Variants in PLEKHA8 observed in about 807,000 individuals in gnomAD.
PLEKHA8 encodes pleckstrin homology domain containing A8, also known as pleckstrin homology domain-containing family A member 8.
In PLEKHA8, 36 loss-of-function variants were observed where a neutral mutation model predicts 68.2. The observed-to-expected ratio is 0.53, with a 90% CI of 0.40 to 0.70. The LOEUF (loss-of-function observed/expected upper bound fraction) is 0.70. PLEKHA8 is among the 30% of genes least tolerant of loss of function. The pLI, the probability that PLEKHA8 is intolerant of heterozygous loss-of-function variation, is 0.00. For missense variants in PLEKHA8, 505 were observed against 615.4 expected (o/e 0.82, Z 1.90); for synonymous variants, 211 against 216.1 (o/e 0.98, Z 0.20).
intron 12 of PLEKHA8, among the ~76,000 whole-genome samples, chr7:30,065,736 C>A (rs1016735884): frequency 6.6e-6 from 1 of 152,158 alleles, no homozygotes; most frequent in African/African-American, 2.4e-5. Context: ...CCCAGTGTAA[C>A]TACTACACTA....
chr7:30,041,117 C>A (rs17326013), intron 1 of PLEKHA8, among the ~76,000 whole-genome samples: 21,232 of 152,234 alleles, frequency 0.14, 1,501 homozygotes, highest in Middle Eastern at 0.19. Flanking sequence ...TTTCCCAGCA[C>A]TGGACATTAT....
At chr7:30,069,517 C>T (rs1330799453) in intron 12 of PLEKHA8, 2 of 152,228 alleles carry the variant, frequency 1.3e-5, no homozygotes, top group East Asian at 1.9e-4. Flanking sequence ...GTTGTTCTCT[C>T]AGTTACTATA....
intron 12 of PLEKHA8, among the ~76,000 whole-genome samples, chr7:30,071,326 A>G (rs1794222586): frequency 6.6e-6 from 1 of 152,146 alleles, no homozygotes; most frequent in African/African-American, 2.4e-5. Context: ...AATTTTGCTC[A>G]CCATCGCCCA....
chr7:30,069,500 T>C lies in PLEKHA8; in HGVS notation c.1301-4571T>C, dbSNP rs893424798. Among the ~76,000 whole-genome samples the C allele has an allele frequency of 3.3e-5, 5 of 152,332 alleles. No individual in the cohort carries two copies. The South Asian group carries it at 6.2e-4, about 19-fold the overall frequency. On this transcript the variant is annotated intron_variant, in intron 12 of 13. Transcript: ENST00000449726. ...CAGAATGGTTGTTCACCAACAGTAA[T>C]GGAAGGGTTGTTCTCTCAGTTACTA...
At chr7:30,075,890 TTTTAAC>T (rs1794582817) in intron 13 of PLEKHA8, among the ~76,000 whole-genome samples, 1 of 150,878 alleles carries the variant, frequency 6.6e-6, no homozygotes, top group African/African-American at 2.5e-5. Flanking sequence ...TAGGAGGACT[TTTTAAC>T]TTTATTATAC....
rs751421537 is a variant in PLEKHA8 at position 30,045,141 on chromosome 7, C to G, written c.97C>G (p.Pro33Ala). The change falls in exon 2 of 14, where the codon CCT becomes GCT. Residue 33 changes from proline to alanine, a missense_variant. Coordinates refer to ENST00000449726, the MANE Select transcript of PLEKHA8 (RefSeq NM_001197026.2). ...GGGAATATTGTCCTATTATGATTCTCCTGAAGATGCCTGGAAAGGTTGCAA... is the reference window on the plus strand; with the variant it reads ...GGGAATATTGTCCTATTATGATTCTGCTGAAGATGCCTGGAAAGGTTGCAA... ...CGGILSYYDS[P>A]EDAWKGCKGS... 1.2e-6 allele frequency: 2 copies of G among 1,611,848 alleles called. No individual in the cohort carries two copies. The highest frequency in any genetic ancestry group is 1.3e-5 in the African/African-American group (1 of 74,718).
chr7:30,056,423 G>C (rs1382744695), intron 9 of PLEKHA8, among the ~76,000 whole-genome samples: 1 of 138,748 alleles, frequency 7.2e-6, no homozygotes, highest in African/African-American at 2.7e-5. Flanking sequence ...ACATATATAT[G>C]TAAATAAATA....
chr7:30,117,655 G>A (rs556798363), intron 13 of PLEKHA8, among the ~76,000 whole-genome samples: 1 of 152,262 alleles, frequency 6.6e-6, no homozygotes, highest in South Asian at 2.1e-4. Context: ...AGTGAGCCAT[G>A]ATCATGCCAC....
At position 30,117,950 on chromosome 7, in the gene PLEKHA8, C is replaced by T. The variant is rs113633182; in HGVS notation, c.1363-11316C>T. 1,895 of 1,500,312 alleles carry T rather than the reference C, an allele frequency of 1.3e-3. 1 individual carries two copies. Among genetic ancestry groups the T allele is most frequent in the Non-Finnish European group, 1.5e-3 (1,733 of 1,120,324 alleles). 92.9% of individuals were successfully genotyped at this position (1,500,312 alleles called of 1,614,324 possible). On this transcript the variant is annotated intron_variant, in intron 13 of 13. Coordinates refer to the PLEKHA8 transcript ENST00000396257. Reference sequence around the variant, plus strand: ...TTTTTAAAAAATTTAAAAACTGAGACGTGGATTCATTTCTAACAGGGACAC... The same window carrying T: ...TTTTTAAAAAATTTAAAAACTGAGATGTGGATTCATTTCTAACAGGGACAC...
chr7:30,037,277 A>T (rs1583773066), intron 1 of PLEKHA8, among the ~76,000 whole-genome samples: 1 of 152,316 alleles, frequency 6.6e-6, no homozygotes, highest in East Asian at 1.9e-4. Context: ...TGTCAGTCCT[A>T]TCAAGACATT....
At chr7:30,061,749 A>G (rs1288959973) in intron 10 of PLEKHA8, 148 bp from the exon 11 acceptor site, 11 of 780,600 alleles carry the variant, frequency 1.4e-5, no homozygotes, top group South Asian at 2.1e-5. Flanking sequence ...AACAAATACT[A>G]TCATGAAAAC....
chr7:30,123,634 C>T (rs1212923299), intron 13 of PLEKHA8, among the ~76,000 whole-genome samples: 1 of 151,962 alleles, frequency 6.6e-6, no homozygotes, highest in African/African-American at 2.4e-5. Context: ...GTGGATCTCT[C>T]GTTTTTGAGC....
chr7:30,096,839 T>C (rs1248373217), intron 13 of PLEKHA8, among the ~76,000 whole-genome samples: 3 of 152,204 alleles, frequency 2.0e-5, no homozygotes, highest in African/African-American at 4.8e-5. Context: ...AAGGTCAATA[T>C]TGTTATGTGT....
Position 30,059,950 on chromosome 7 carries a change from G to A in PLEKHA8, c.1040-934G>A, listed in dbSNP as rs545108482. 4.6e-5 allele frequency among the ~76,000 whole-genome samples: 7 copies of A among 152,282 alleles called. 1 individual carries two copies. The highest frequency in any genetic ancestry group is 3.9e-4 in the East Asian group (2 of 5,184). On this transcript the variant is annotated intron_variant, in intron 9 of 13. Coordinates refer to ENST00000449726, the MANE Select transcript of PLEKHA8 (RefSeq NM_001197026.2). ...TGTAATCCCAGCACTTTGGGAGGCC[G>A]AGGCAAGTGGGTCACAAAGTCAGGA...
chr7:30,052,579 G>T (rs1319801726), intron 6 of PLEKHA8, 130 bp from the exon 7 acceptor site: 7 of 706,226 alleles, frequency 9.9e-6, no homozygotes, highest in Middle Eastern at 4.3e-4. Flanking sequence ...CCAGAAGATT[G>T]CAGTGAGCTG....
In PLEKHA8 at chr7:30,115,844, ACG is replaced by A. The variant is rs1796469828; in HGVS notation, c.1363-13421_1363-13420del. 9.3e-5 allele frequency: 14 copies of A among 149,946 alleles called. 1 individual carries two copies. In the South Asian group the frequency reaches 2.5e-3, roughly 27 times the overall value. 9.3% of individuals were successfully genotyped at this position (149,946 alleles called of 1,614,324 possible). A position where few individuals can be genotyped will look rare whatever the true frequency, so the allele number is the denominator to read the frequency against. ...TACATGCGTGCACATACATGTATACACGTATGCATACATACGTGCACATACAT... is the reference window on the plus strand; with the variant it reads ...TACATGCGTGCACATACATGTATACATATGCATACATACGTGCACATACAT... On this transcript the variant is annotated intron_variant, in intron 13 of 13. Transcript: ENST00000396257.
chr7:30,104,703 G>A (rs1795993572), intron 13 of PLEKHA8, among the ~76,000 whole-genome samples: 1 of 148,408 alleles, frequency 6.7e-6, no homozygotes, highest in Admixed American at 6.8e-5. Context: ...AGTGGTAAAG[G>A]TCACAACAGC....
chr7:30,118,082 G>A, intron 13 of PLEKHA8: 1 of 1,415,490 alleles, frequency 7.1e-7, no homozygotes, highest in South Asian at 1.4e-5. Context: ...CATCACATCT[G>A]GGTGACGCCT....
chr7:30,066,545 C>A (rs974481204), intron 12 of PLEKHA8, among the ~76,000 whole-genome samples: 2 of 152,140 alleles, frequency 1.3e-5, no homozygotes, highest in African/African-American at 4.8e-5. Context: ...CTTTAGAGGT[C>A]ATTTTCAGGA....
Sources: gnomAD v4.1 joint callset for allele counts (sites outside exome capture counted in the v4.1 genomes callset) on GRCh38, gnomAD v4.1.1 for gene constraint, MANE v1.5 for transcripts, NCBI Gene and HGNC (gene_info 2026-07-23, HGNC 2026-07-21) for gene names.